The following RANBP2 variants were observed in gnomAD, a reference collection of about 807,000 sequenced individuals.
RANBP2 encodes RAN binding protein 2.
RANBP2 carries 57 observed loss-of-function variants against 303.6 expected under a neutral mutation model. The ratio of observed to expected loss-of-function variants is 0.19; its 90% confidence interval spans 0.15 to 0.23. The LOEUF (loss-of-function observed/expected upper bound fraction) is 0.23. Ranked by LOEUF, RANBP2 falls within the 10% of genes least tolerant of loss-of-function variation. The pLI is 1.00. For missense variants in RANBP2, 3,138 were observed against 3,780.8 expected (o/e 0.83, Z 4.46); for synonymous variants, 1,167 against 1,301.5 (o/e 0.90, Z 2.23).
chr2:109,532,930 A>C, the RANBP2 span, among the ~76,000 whole-genome samples: 165 of 152,184 alleles, frequency 1.1e-3, 1 homozygote, highest in African/African-American at 3.7e-3. Context: ...AGTTTCTGTT[A>C]ATTCATTCAA....
chr2:109,426,531 C>G, the RANBP2 span, among the ~76,000 whole-genome samples: 1 of 152,204 alleles, frequency 6.6e-6, no homozygotes, highest in African/African-American at 2.4e-5. Flanking sequence ...TATGAGAAAA[C>G]TTGAACAGAT....
At chr2:108,903,037 G>A in the RANBP2 span, among the ~76,000 whole-genome samples, 1 of 152,160 alleles carries the variant, frequency 6.6e-6, no homozygotes, top group Non-Finnish European at 1.5e-5. Flanking sequence ...TCTTATAAGT[G>A]AATTCAGCAA....
At chr2:109,493,120 A>G in the RANBP2 span, among the ~76,000 whole-genome samples, 1 of 151,534 alleles carries the variant, frequency 6.6e-6, no homozygotes, top group Non-Finnish European at 1.5e-5. Flanking sequence ...GATACATCAT[A>G]TAAACACACA....
chr2:108,962,547 C>G, the RANBP2 span, among the ~76,000 whole-genome samples: 1 of 151,704 alleles, frequency 6.6e-6, no homozygotes, highest in East Asian at 2.0e-4. Context: ...TGGTGGCGGG[C>G]GCCTGTAGTC....
At chr2:109,112,317 T>C in the RANBP2 span, among the ~76,000 whole-genome samples, 1 of 152,156 alleles carries the variant, frequency 6.6e-6, no homozygotes, top group Admixed American at 6.5e-5. Context: ...TTTTTAATGA[T>C]TGCTATTCTA....
At chr2:109,249,345 C>G in the RANBP2 span, among the ~76,000 whole-genome samples, 1 of 152,152 alleles carries the variant, frequency 6.6e-6, no homozygotes, top group East Asian at 1.9e-4. Context: ...TGCAAAAAAT[C>G]CCCGAGCAAG....
At chr2:109,445,317 TCA>T in the RANBP2 span, among the ~76,000 whole-genome samples, 1 of 152,170 alleles carries the variant, frequency 6.6e-6, no homozygotes, top group Non-Finnish European at 1.5e-5. Flanking sequence ...GCTCAAGTCC[TCA>T]CACAGAAAGC....
chr2:108,906,615 G>T, the RANBP2 span, among the ~76,000 whole-genome samples: 1 of 152,256 alleles, frequency 6.6e-6, no homozygotes, highest in South Asian at 2.1e-4. Context: ...AGACTCGTAA[G>T]ATACTTGGGG....
the RANBP2 span, among the ~76,000 whole-genome samples, chr2:109,551,535 G>A: frequency 6.6e-6 from 1 of 152,166 alleles, no homozygotes; most frequent in East Asian, 1.9e-4. Context: ...TGGGGCAACT[G>A]GGGAAATCTG....
chr2:109,636,629 A>G, the RANBP2 span, among the ~76,000 whole-genome samples: 1 of 152,182 alleles, frequency 6.6e-6, no homozygotes, highest in Non-Finnish European at 1.5e-5. Flanking sequence ...CAAAATCTGA[A>G]TAAGATCTGA....
intron 18 of RANBP2, among the ~76,000 whole-genome samples, chr2:108,759,176 A>C (rs1304304498): frequency 6.6e-6 from 1 of 151,932 alleles, no homozygotes; most frequent in African/African-American, 2.4e-5. Context: ...TAATGAACTA[A>C]GGTTACTAAT....
the RANBP2 span, among the ~76,000 whole-genome samples, chr2:109,559,933 T>G: frequency 7.2e-6 from 1 of 138,758 alleles, no homozygotes; most frequent in Non-Finnish European, 1.6e-5. Flanking sequence ...TTTTTTTTTG[T>G]CTTTTAAGAT....
At chr2:109,303,029 A>C in the RANBP2 span, among the ~76,000 whole-genome samples, 1 of 152,122 alleles carries the variant, frequency 6.6e-6, no homozygotes, top group African/African-American at 2.4e-5. Context: ...GGCATGCACC[A>C]CCATGCCCTA....
At chr2:108,880,553 T>TA in the RANBP2 span, among the ~76,000 whole-genome samples, 366 of 152,264 alleles carry the variant, frequency 2.4e-3, 4 homozygotes, top group African/African-American at 8.5e-3. Context: ...ACTCTCTTGT[T>TA]AGAGTTTAAT....
the RANBP2 span, among the ~76,000 whole-genome samples, chr2:109,142,280 G>A: frequency 2.0e-5 from 3 of 152,138 alleles, no homozygotes; most frequent in Non-Finnish European, 4.4e-5. Context: ...CCTTCCATTG[G>A]TGTTCTCAGG....
the RANBP2 span, among the ~76,000 whole-genome samples, chr2:109,715,244 GGCATGA>G: frequency 6.6e-6 from 1 of 152,100 alleles, no homozygotes. Context: ...TGGGATAACA[GGCATGA>G]GCCACAATGC....
At chr2:108,779,597 T>C (rs1678103337) in intron 25 of RANBP2, among the ~76,000 whole-genome samples, 1 of 152,220 alleles carries the variant, frequency 6.6e-6, no homozygotes, top group South Asian at 2.1e-4. Context: ...TGAGAGTTTT[T>C]AGCAGAAGGT....
intron 7 of RANBP2, among the ~76,000 whole-genome samples, chr2:108,743,928 TTAA>T (rs1432710167): frequency 6.6e-6 from 1 of 152,242 alleles, no homozygotes; most frequent in Non-Finnish European, 1.5e-5. Context: ...ATTTTAAAGC[TTAA>T]TGATCAAATG....
the RANBP2 span, among the ~76,000 whole-genome samples, chr2:109,325,192 A>G: frequency 1.9e-4 from 29 of 152,244 alleles, no homozygotes; most frequent in African/African-American, 7.0e-4. Context: ...TGTGAAGATC[A>G]GTGTCTCACT....
Sources: gnomAD v4.1 joint callset for allele counts (sites outside exome capture counted in the v4.1 genomes callset) on GRCh38, gnomAD v4.1.1 for gene constraint, MANE v1.5 for transcripts, NCBI Gene and HGNC (gene_info 2026-07-23, HGNC 2026-07-21) for gene names.